Variants in IL1RAPL1 observed in about 807,000 individuals in gnomAD.
IL1RAPL1 encodes interleukin-1 receptor accessory protein-like 1.
IL1RAPL1 carries 3 observed loss-of-function variants against 48.4 expected under a neutral mutation model. That is an observed-to-expected ratio of 0.06 (90% CI 0.03 to 0.16). The LOEUF (loss-of-function observed/expected upper bound fraction) is 0.16, where lower values mean the gene tolerates loss of function less well. IL1RAPL1 is among the 10% of genes least tolerant of loss of function. The pLI is 1.00. For missense variants in IL1RAPL1, 349 were observed against 530.6 expected, an observed-to-expected ratio of 0.66 and a Z score of 3.36; for synonymous variants, 185 against 187.7, an observed-to-expected ratio of 0.99 and a Z score of 0.12.
chrX:29,745,518 C>T (rs1194676475), intron 6 of IL1RAPL1, among the ~76,000 whole-genome samples: 1 of 85,859 alleles, frequency 1.2e-5, no homozygotes, highest in African/African-American at 4.7e-5. Flanking sequence ...GCGGTCTTGG[C>T]TCACTGCAAC....
intron 6 of IL1RAPL1, among the ~76,000 whole-genome samples, chrX:29,878,637 A>G (rs1252175014): frequency 1.8e-5 from 2 of 112,131 alleles, no homozygotes; most frequent in Non-Finnish European, 3.8e-5. Flanking sequence ...ATCTACAGAT[A>G]TAATTCTTTA....
At chrX:29,633,421 T>C (rs1472085285) in intron 5 of IL1RAPL1, among the ~76,000 whole-genome samples, 1 of 109,586 alleles carries the variant, frequency 9.1e-6, no homozygotes, top group Non-Finnish European at 1.9e-5. Flanking sequence ...ATCTGGTTGG[T>C]AGTTATGTGT....
chrX:28,786,015 A>G (rs1936469115), intron 1 of IL1RAPL1, among the ~76,000 whole-genome samples: 1 of 111,923 alleles, frequency 8.9e-6, no homozygotes, highest in African/African-American at 3.3e-5. Context: ...AGCATTGGAA[A>G]TTAAAAGTTG....
At chrX:29,541,246 G>A (rs1218387055) in intron 5 of IL1RAPL1, among the ~76,000 whole-genome samples, 1 of 111,680 alleles carries the variant, frequency 9.0e-6, no homozygotes, top group Admixed American at 9.5e-5. Context: ...TGTCACACCA[G>A]TCAGAATGGC....
Position 28,859,132 on chromosome X carries a change from T to G in IL1RAPL1, c.82+69707T>G, listed in dbSNP as rs183206612. 1.5e-4 allele frequency among the ~76,000 whole-genome samples: 17 copies of G among 112,369 alleles called. No individual in the cohort carries two copies. In the East Asian group the frequency reaches 4.7e-3, roughly 31 times the overall value. ...TTTGAAGGGTAGACAGTGTACCTTA[T>G]AGGTTAGATATTATTTCTTATGCAA... On this transcript the variant is annotated intron_variant, in intron 2 of 10. Transcript: ENST00000378993.
At chrX:29,005,513 T>C (rs142095207) in intron 2 of IL1RAPL1, among the ~76,000 whole-genome samples, 2,132 of 111,965 alleles carry the variant, frequency 0.019, 47 homozygotes, top group African/African-American at 0.066. Flanking sequence ...ACAAGTCTTC[T>C]GTGTCACGTT....
intron 6 of IL1RAPL1, among the ~76,000 whole-genome samples, chrX:29,792,777 T>A (rs1929666026): frequency 9.0e-6 from 1 of 110,633 alleles, no homozygotes; most frequent in Non-Finnish European, 1.9e-5. Flanking sequence ...CAAAAAAAAA[T>A]TAAGAGATTT....
rs560985019 is a variant in IL1RAPL1, at chrX:28,908,787, G to T, written c.82+119362G>T. 3.6e-4 allele frequency among the ~76,000 whole-genome samples: 40 copies of T among 111,880 alleles called. No homozygotes were observed. The South Asian group carries it at 0.014, about 39-fold the overall frequency. Reference sequence around the variant, plus strand: ...ATCTATCAGTTACTGAAAGAGGAGGGTTGAAATCTCCAACTTTAATAGTGG... The same window carrying T: ...ATCTATCAGTTACTGAAAGAGGAGGTTTGAAATCTCCAACTTTAATAGTGG... On this transcript the variant is annotated intron_variant, in intron 2 of 10. Coordinates refer to ENST00000378993, the MANE Select transcript of IL1RAPL1 (RefSeq NM_014271.4).
At chrX:29,128,386 G>C (rs1322753943) in intron 2 of IL1RAPL1, among the ~76,000 whole-genome samples, 1 of 111,222 alleles carries the variant, frequency 9.0e-6, no homozygotes, top group African/African-American at 3.3e-5. Flanking sequence ...CAATACACCT[G>C]AGTATTGAAG....
Position 29,380,519 on chromosome X carries a change from A to G in IL1RAPL1, c.363-15739A>G, listed in dbSNP as rs147319540. ...TGGGATTACAGGTGTGAGCCACTGT[A>G]CCTGGCCATTGTTGAAGGCTTGTAT... On this transcript the variant is annotated intron_variant, in intron 3 of 10. Coordinates refer to ENST00000378993, the MANE Select transcript of IL1RAPL1 (RefSeq NM_014271.4). Among the ~76,000 whole-genome samples, 66 of 112,158 alleles carry G rather than the reference A, an allele frequency of 5.9e-4. 3 individuals carry two copies. The highest frequency in any genetic ancestry group is 5.7e-3 in the Admixed American group (60 of 10,603).
At chrX:29,521,861 C>T (rs961782364) in intron 5 of IL1RAPL1, among the ~76,000 whole-genome samples, 1 of 111,439 alleles carries the variant, frequency 9.0e-6, no homozygotes, top group Non-Finnish European at 1.9e-5. Context: ...GGCTTTTTTC[C>T]TCTTCTCAAT....
At chrX:29,143,429 A>T (rs893306796) in intron 2 of IL1RAPL1, among the ~76,000 whole-genome samples, 6 of 112,202 alleles carry the variant, frequency 5.3e-5, no homozygotes, top group Non-Finnish European at 9.4e-5. Context: ...CTATGGTTTC[A>T]GTTACCTGTG....
chrX:28,692,649 T>C (rs754819079), intron 1 of IL1RAPL1, among the ~76,000 whole-genome samples: 2 of 112,019 alleles, frequency 1.8e-5, no homozygotes, highest in Non-Finnish European at 3.8e-5. Flanking sequence ...GGTAGCATAG[T>C]GTATAGGAAA....
intron 3 of IL1RAPL1, among the ~76,000 whole-genome samples, chrX:29,319,733 G>C (rs191061088): frequency 1.8e-5 from 2 of 110,078 alleles, no homozygotes. Context: ...CCCATTCATT[G>C]CATTGTGAAG....
chrX:28,986,124 T>C (rs769662333), intron 2 of IL1RAPL1, among the ~76,000 whole-genome samples: 1 of 111,711 alleles, frequency 9.0e-6, no homozygotes, highest in East Asian at 2.8e-4. Flanking sequence ...TGGTAGATGG[T>C]GGGCTACATG....
chrX:29,274,006 A>C, intron 2 of IL1RAPL1, among the ~76,000 whole-genome samples: 1 of 112,190 alleles, frequency 8.9e-6, no homozygotes, highest in Admixed American at 9.5e-5. Flanking sequence ...CAGCTGGAAA[A>C]AAAACACATG....
chrX:29,204,074 C>A (rs1308054601), intron 2 of IL1RAPL1, among the ~76,000 whole-genome samples: 1 of 110,991 alleles, frequency 9.0e-6, no homozygotes, highest in Non-Finnish European at 1.9e-5. Context: ...TGTGTATATA[C>A]ACCACATTTT....
At chrX:28,937,853 A>T (rs764212871) in intron 2 of IL1RAPL1, among the ~76,000 whole-genome samples, 1 of 111,606 alleles carries the variant, frequency 9.0e-6, no homozygotes, top group South Asian at 3.7e-4. Flanking sequence ...TACAAAAATC[A>T]TTAGCATTCC....
At chrX:29,409,922 A>G (rs1934120823) in intron 5 of IL1RAPL1, among the ~76,000 whole-genome samples, 1 of 105,362 alleles carries the variant, frequency 9.5e-6, no homozygotes, top group Non-Finnish European at 1.9e-5. Flanking sequence ...TCCCAGGTTC[A>G]AGCGATTCTC....
Sources: allele counts gnomAD v4.1 joint callset (sites outside exome capture counted in the v4.1 genomes callset), GRCh38; gene constraint gnomAD v4.1.1; transcripts MANE v1.5; gene names NCBI Gene and HGNC (gene_info 2026-07-23, HGNC 2026-07-21).